Variants in CNOT2 observed in about 807,000 individuals in gnomAD.
The protein encoded by CNOT2 is CCR4-NOT transcription complex subunit 2.
A neutral mutation model predicts 72.1 loss-of-function variants in CNOT2; 7 were observed. The observed-to-expected ratio is 0.10, with a 90% confidence interval of 0.06 to 0.18. The LOEUF (loss-of-function observed/expected upper bound fraction) is 0.18, where lower values mean the gene tolerates loss of function less well. CNOT2 is among the 10% of genes least tolerant of loss of function. The pLI, the probability that CNOT2 is intolerant of heterozygous loss-of-function variation, is 1.00. For synonymous variants in CNOT2, 196 were observed against 225.6 expected (o/e 0.87, Z 1.17); for missense variants, 345 against 660.3 (o/e 0.52, Z 5.23).
intron 1 of CNOT2, among the ~76,000 whole-genome samples, chr12:70,264,474 G>A (rs892769477): frequency 1.4e-4 from 21 of 152,198 alleles, no homozygotes; most frequent in Non-Finnish European, 2.5e-4. Context: ...GGGCAGGGTG[G>A]TAGCCTCTAG....
intron 6 of CNOT2, among the ~76,000 whole-genome samples, chr12:70,332,026 G>C (rs1371185335): frequency 6.6e-6 from 1 of 150,934 alleles, no homozygotes; most frequent in Non-Finnish European, 1.5e-5. Flanking sequence ...GGAGGCAACT[G>C]TAACTATTTA....
chr12:70,348,330 C>T (rs1203461638), intron 15 of CNOT2, among the ~76,000 whole-genome samples: 1 of 152,130 alleles, frequency 6.6e-6, no homozygotes, highest in Non-Finnish European at 1.5e-5. Context: ...AATTTCTGGA[C>T]CATACCTCCA....
chr12:70,319,546 T>C lies in CNOT2; in HGVS notation c.238+182T>C, dbSNP rs1053896238. Reference sequence around the variant, plus strand: ...ACCTCATTATTTCAGACCTTATTGATCCTATGGTTGCTATTACTTGGATAT... The same window carrying C: ...ACCTCATTATTTCAGACCTTATTGACCCTATGGTTGCTATTACTTGGATAT... On this transcript the variant is annotated intron_variant, in intron 4 of 15. Coordinates refer to ENST00000229195, the MANE Select transcript of CNOT2 (RefSeq NM_014515.7). Among the ~76,000 whole-genome samples, 5 of 151,986 alleles carry C rather than the reference T, an allele frequency of 3.3e-5. No homozygotes were observed. In the South Asian group the frequency reaches 1.0e-3, roughly 31 times the overall value.
chr12:70,258,185 A>G (rs531655520), intron 1 of CNOT2, among the ~76,000 whole-genome samples: 2 of 152,316 alleles, frequency 1.3e-5, no homozygotes, highest in African/African-American at 4.8e-5. Flanking sequence ...TCCCCTCCCA[A>G]GCATTATTCC....
At chr12:70,244,859 ATAT>A (rs1957802739) in intron 1 of CNOT2, among the ~76,000 whole-genome samples, 1 of 152,184 alleles carries the variant, frequency 6.6e-6, no homozygotes, top group Non-Finnish European at 1.5e-5. Flanking sequence ...GTCATGCTTA[ATAT>A]TAGGAATTTT....
At chr12:70,266,958 G>T (rs1959079972) in intron 1 of CNOT2, among the ~76,000 whole-genome samples, 1 of 149,090 alleles carries the variant, frequency 6.7e-6, no homozygotes, top group East Asian at 2.0e-4. Flanking sequence ...TTTTCTGTTT[G>T]TTCCATTTGC....
At chr12:70,320,710 A>G (rs1267812249) in intron 4 of CNOT2, among the ~76,000 whole-genome samples, 1 of 151,792 alleles carries the variant, frequency 6.6e-6, no homozygotes, top group Non-Finnish European at 1.5e-5. Flanking sequence ...ATTTCTTCAG[A>G]GCAACTGCAA....
intron 15 of CNOT2, chr12:70,347,881 CCT>C (rs1323120769): frequency 2.0e-5 from 3 of 151,962 alleles, no homozygotes; most frequent in African/African-American, 7.3e-5. Context: ...AAAAATAGTG[CCT>C]GAGCTATTGT....
chr12:70,332,212 T>C (rs1880058284), intron 6 of CNOT2, among the ~76,000 whole-genome samples: 1 of 151,818 alleles, frequency 6.6e-6, no homozygotes, highest in South Asian at 2.1e-4. Context: ...ATGTCTATTA[T>C]GTCTTCCTGA....
At chr12:70,316,504 T>A (rs757506668) in intron 3 of CNOT2, among the ~76,000 whole-genome samples, 2 of 152,144 alleles carry the variant, frequency 1.3e-5, no homozygotes, top group Non-Finnish European at 2.9e-5. Flanking sequence ...TTATAAGAAA[T>A]TAGATATTTG....
chr12:70,278,760 G>C (rs1322878232), intron 2 of CNOT2, among the ~76,000 whole-genome samples: 1 of 152,096 alleles, frequency 6.6e-6, no homozygotes, highest in Non-Finnish European at 1.5e-5. Context: ...TTTGTTATTA[G>C]TTTGCTGTCC....
chr12:70,300,611 T>C (rs2135911100), intron 2 of CNOT2, among the ~76,000 whole-genome samples: 1 of 152,360 alleles, frequency 6.6e-6, no homozygotes, highest in East Asian at 1.9e-4. Context: ...CATGCTGTTT[T>C]GGTTACTGTA....
intron 2 of CNOT2, among the ~76,000 whole-genome samples, chr12:70,281,585 GGTTATTTTCATGTAATGCCTCACCTTT>G (rs1181304405): frequency 6.6e-6 from 1 of 152,048 alleles, no homozygotes; most frequent in Non-Finnish European, 1.5e-5. Flanking sequence ...TACTTATATT[GGTTATTTTCATGTAATGCCTCACCTTT>G]GTTCACATGA....
intron 4 of CNOT2, among the ~76,000 whole-genome samples, chr12:70,328,640 A>G (rs1482821694): frequency 6.6e-6 from 1 of 151,846 alleles, no homozygotes; most frequent in Non-Finnish European, 1.5e-5. Context: ...CAGGAAATAT[A>G]CATTTCTAAA....
At chr12:70,250,304 G>C (rs1958078800) in intron 1 of CNOT2, among the ~76,000 whole-genome samples, 1 of 152,090 alleles carries the variant, frequency 6.6e-6, no homozygotes, top group African/African-American at 2.4e-5. Flanking sequence ...TCTATTCCCT[G>C]CACATGCAAA....
intron 2 of CNOT2, among the ~76,000 whole-genome samples, chr12:70,288,840 T>G (rs1239111585): frequency 6.6e-6 from 1 of 152,208 alleles, no homozygotes; most frequent in African/African-American, 2.4e-5. Flanking sequence ...AAACATTTTC[T>G]GCTTAGACTT....
intron 2 of CNOT2, among the ~76,000 whole-genome samples, chr12:70,291,916 G>A (rs974408164): frequency 3.3e-5 from 5 of 152,182 alleles, no homozygotes; most frequent in African/African-American, 1.2e-4. Context: ...CAGTCTGGGC[G>A]ACAGAGTGAG....
At chr12:70,349,452 C>T (rs1260252800) in intron 15 of CNOT2, among the ~76,000 whole-genome samples, 1 of 152,032 alleles carries the variant, frequency 6.6e-6, no homozygotes, top group Non-Finnish European at 1.5e-5. Flanking sequence ...TTATGGTGTT[C>T]TTGAAAGGTA....
chr12:70,321,069 AAAG>A (rs1289813260), intron 4 of CNOT2, among the ~76,000 whole-genome samples: 1 of 151,896 alleles, frequency 6.6e-6, no homozygotes, highest in Non-Finnish European at 1.5e-5. Context: ...ACTAGTTTAA[AAAG>A]AAGCCATGTA....
Sources: allele counts gnomAD v4.1 joint callset (sites outside exome capture counted in the v4.1 genomes callset), GRCh38; gene constraint gnomAD v4.1.1; transcripts MANE v1.5; gene names NCBI Gene and HGNC (gene_info 2026-07-23, HGNC 2026-07-21).